The following PAG1 variants were observed in gnomAD, a reference collection of about 807,000 sequenced individuals.
PAG1 encodes phosphoprotein membrane anchor with glycosphingolipid microdomains 1, also known as phosphoprotein associated with glycosphingolipid-enriched microdomains 1.
PAG1 carries 23 observed loss-of-function variants against 31.7 expected under a neutral mutation model. The ratio of observed to expected loss-of-function variants is 0.73; its 90% confidence interval spans 0.52 to 1.03. The LOEUF (loss-of-function observed/expected upper bound fraction) is 1.03, where lower values mean the gene tolerates loss of function less well. Among genes scored for constraint, PAG1 ranks in the 50% least tolerant of loss-of-function variants. The probability of loss-of-function intolerance (pLI) is 0.00; values close to 1 mark genes in which losing one functional copy is unlikely to be tolerated. For synonymous variants in PAG1, 214 were observed against 210.3 expected, an observed-to-expected ratio of 1.02 and a Z score of -0.15; for missense variants, 473 against 540.7, an observed-to-expected ratio of 0.87 and a Z score of 1.24.
chr8:81,077,565 C>G (rs16908521), intron 1 of PAG1, among the ~76,000 whole-genome samples: 14,760 of 152,120 alleles, frequency 0.097, 1,945 homozygotes, highest in African/African-American at 0.3. Context: ...TGACTTTTAT[C>G]GAAAAAACAT....
intron 4 of PAG1, among the ~76,000 whole-genome samples, chr8:80,992,898 C>T (rs940882236): frequency 6.6e-6 from 1 of 152,180 alleles, no homozygotes; most frequent in African/African-American, 2.4e-5. Context: ...TGCTCCCTAG[C>T]AAAACCAAAT....
chr8:80,976,747 C>T lies in PAG1; in HGVS notation c.1096G>A (p.Glu366Lys), dbSNP rs1424045417. 13 of 1,614,094 alleles carry T rather than the reference C, an allele frequency of 8.1e-6. No homozygotes were observed. Among genetic ancestry groups the T allele is most frequent in the East Asian group, 2.2e-5 (1 of 44,886 alleles). Residue 366 changes from glutamate to lysine, a missense_variant, in exon 9 of 9, where the codon GAA (glutamate) becomes AAA (lysine). Glu to Lys is a moderately conservative substitution (Grantham distance 56). Transcript: ENST00000220597. Reference protein sequence around the residue: ...NDLYATVKDFEKTPNSTLPPA... With the variant: ...NDLYATVKDFKKTPNSTLPPA... ...GGAAGTGTGCTGTTTGGAGTTTTTT[C>T]GAAGTCTTTAACAGTAGCATAGAGA...
intron 2 of PAG1, among the ~76,000 whole-genome samples, chr8:81,044,731 G>T (rs1808611537): frequency 6.6e-6 from 1 of 152,072 alleles, no homozygotes. Flanking sequence ...AACCTCTCCT[G>T]TAACCACCCT....
intron 3 of PAG1, among the ~76,000 whole-genome samples, chr8:80,995,516 A>G (rs2130535497): frequency 6.6e-6 from 1 of 152,392 alleles, no homozygotes; most frequent in East Asian, 1.9e-4. Flanking sequence ...AATACATTCA[A>G]GCAAGCAGCT....
At chr8:81,074,272 G>A (rs192708579) in intron 1 of PAG1, among the ~76,000 whole-genome samples, 56 of 152,296 alleles carry the variant, frequency 3.7e-4, no homozygotes, top group African/African-American at 1.2e-3. Context: ...AAGATGTGGC[G>A]TGGGGAGAGA....
At position 80,976,870 on chromosome 8, in the gene PAG1, G is replaced by A; in HGVS notation, c.973C>T (p.Gln325Ter). Residue 325 changes from glutamine (Q) to a stop codon, truncating the protein, a stop_gained, in exon 9 of 9, where the codon CAG becomes TAG. Coordinates refer to ENST00000220597, the MANE Select transcript of PAG1 (RefSeq NM_018440.4). LOFTEE classifies it low-confidence loss of function (END_TRUNC). ...GACTGCCCCGATTTATTCACTAACT[G>A]TCCAGGTTTATTTACTGATGAGTAC... ...AMYSSVNKPG[Q>*]LVNKSGQSLT... 6.2e-7 allele frequency: 1 copy of A among 1,613,152 alleles called. No homozygotes were observed. Among genetic ancestry groups the A allele is most frequent in the Non-Finnish European group, 8.5e-7 (1 of 1,179,264 alleles).
At chr8:81,006,322 T>C (rs753983720) in intron 3 of PAG1, among the ~76,000 whole-genome samples, 82 of 152,178 alleles carry the variant, frequency 5.4e-4, no homozygotes, top group Non-Finnish European at 1.1e-3. Context: ...AGGACACAGG[T>C]CTCGTGCTTG....
In PAG1 at chr8:81,023,633, G is replaced by C. The variant is rs552539098; in HGVS notation, c.-81+6363C>G. ...AGAAAGAGAGAGAAAAAAAGGGAGA[G>C]AGAGGGAAAGACAGAGGGTATGAGT... is the stretch of plus-strand genomic sequence containing the variant. On this transcript the variant is annotated intron_variant, in intron 3 of 8. Transcript: ENST00000220597. 4.3e-4 allele frequency among the ~76,000 whole-genome samples: 65 copies of C among 152,106 alleles called. 1 individual carries two copies. In the South Asian group the frequency reaches 0.013, roughly 30 times the overall value.
intron 7 of PAG1, among the ~76,000 whole-genome samples, chr8:80,983,549 A>G (rs1807353189): frequency 6.6e-6 from 1 of 152,160 alleles, no homozygotes; most frequent in African/African-American, 2.4e-5. Context: ...CCCTCAACTC[A>G]CTTAAAATTA....
chr8:80,992,794 T>C (rs1445343900), intron 4 of PAG1, among the ~76,000 whole-genome samples: 1 of 152,094 alleles, frequency 6.6e-6, no homozygotes, highest in Admixed American at 6.6e-5. Context: ...TGCCCGCACA[T>C]GAAAAAAGAC....
At chr8:81,101,227 A>C (rs1205583559) in intron 1 of PAG1, among the ~76,000 whole-genome samples, 5 of 152,206 alleles carry the variant, frequency 3.3e-5, no homozygotes, top group Admixed American at 3.3e-4. Flanking sequence ...GTATCCTTTT[A>C]ATAAGACTCC....
chr8:81,074,576 C>T lies in PAG1; in HGVS notation c.-233-4406G>A, dbSNP rs190038563. Among the ~76,000 whole-genome samples the T allele has an allele frequency of 2.7e-4, 41 of 152,196 alleles. 1 individual carries two copies. Among genetic ancestry groups the T allele is most frequent in the Admixed American group, 2.6e-3 (40 of 15,296 alleles). ...GAGGAGAGAGTGGATTAGACACTTGCTACTTAAAGTATGGTCCCAGACCAG... is the reference window on the plus strand; with the variant it reads ...GAGGAGAGAGTGGATTAGACACTTGTTACTTAAAGTATGGTCCCAGACCAG... On this transcript the variant is annotated intron_variant, in intron 1 of 8. Coordinates refer to ENST00000220597, the MANE Select transcript of PAG1 (RefSeq NM_018440.4).
intron 2 of PAG1, among the ~76,000 whole-genome samples, chr8:81,046,485 T>A (rs1248667459): frequency 6.6e-6 from 1 of 152,158 alleles, no homozygotes; most frequent in Non-Finnish European, 1.5e-5. Context: ...CCCAAAGCAT[T>A]CAGCAAAGAG....
At chr8:80,998,170 G>A (rs117455389) in intron 3 of PAG1, among the ~76,000 whole-genome samples, 4,111 of 130,854 alleles carry the variant, frequency 0.031, 71 homozygotes, top group Middle Eastern at 0.048. Context: ...TCGCTCTGTC[G>A]CTAGGCTGGA....
chr8:81,007,467 C>CA lies in PAG1; in HGVS notation c.-80-14161dup, dbSNP rs10563214. On this transcript the variant is annotated intron_variant, in intron 3 of 8. Coordinates refer to ENST00000220597, the MANE Select transcript of PAG1 (RefSeq NM_018440.4). Reference sequence around the variant, plus strand: ...CGTCTCTACTAAAAATACAAAAATACAAAAAAAAAAAAAAAAAATAGTAGA... The same window carrying CA: ...CGTCTCTACTAAAAATACAAAAATACAAAAAAAAAAAAAAAAAAATAGTAGA... Among the ~76,000 whole-genome samples the CA allele has an allele frequency of 4.7e-3, 605 of 128,504 alleles. 5 individuals are homozygous for CA. Among genetic ancestry groups the CA allele is most frequent in the Middle Eastern group, 8.0e-3 (2 of 250 alleles). The allele number at this position is 128,504 out of a possible 152,430, so 84.3% of individuals were successfully genotyped here.
intron 3 of PAG1, among the ~76,000 whole-genome samples, chr8:81,013,031 A>T (rs1048069847): frequency 5.3e-5 from 8 of 152,232 alleles, no homozygotes; most frequent in Non-Finnish European, 8.8e-5. Flanking sequence ...GTGAGAAAAT[A>T]TCAGACCAAA....
intron 2 of PAG1, chr8:81,036,907 G>C (rs1808470393): frequency 6.6e-6 from 1 of 151,992 alleles, no homozygotes; most frequent in South Asian, 2.1e-4. Flanking sequence ...TGAAATCCCT[G>C]ATGTATGCAA....
chr8:81,062,349 C>T (rs1808932293), intron 2 of PAG1, among the ~76,000 whole-genome samples: 1 of 152,246 alleles, frequency 6.6e-6, no homozygotes, highest in South Asian at 2.1e-4. Context: ...TGTCTAACAA[C>T]ATCTTAATGG....
intron 2 of PAG1, among the ~76,000 whole-genome samples, chr8:81,066,970 G>T (rs990696387): frequency 7.9e-5 from 12 of 152,104 alleles, no homozygotes; most frequent in African/African-American, 2.9e-4. Flanking sequence ...AGATCAGCCT[G>T]GGCAATATGG....
Sources: gnomAD v4.1 joint callset for allele counts (sites outside exome capture counted in the v4.1 genomes callset) on GRCh38, gnomAD v4.1.1 for gene constraint, MANE v1.5 for transcripts, NCBI Gene and HGNC (gene_info 2026-07-23, HGNC 2026-07-21) for gene names.